The following SYT6 variants were observed in gnomAD, a reference collection of about 807,000 sequenced individuals.
SYT6 encodes the protein synaptotagmin 6, also known as synaptotagmin-6.
Under a neutral mutation model 38.4 loss-of-function variants are expected in SYT6, and 24 were observed. The ratio of observed to expected loss-of-function variants is 0.62; its 90% CI spans 0.45 to 0.88. SYT6 has a LOEUF of 0.88. Ranked by LOEUF, SYT6 falls within the 40% of genes least tolerant of loss-of-function variation. The pLI, the probability that SYT6 is intolerant of heterozygous loss-of-function variation, is 0.00. For missense variants in SYT6, 611 were observed against 621.0 expected, an observed-to-expected ratio of 0.98 and a Z score of 0.17; for synonymous variants, 265 against 241.9, an observed-to-expected ratio of 1.10 and a Z score of -0.89.
chr1:114,092,706 C>T (rs1390285131), intron 7 of SYT6, among the ~76,000 whole-genome samples: 1 of 152,130 alleles, frequency 6.6e-6, no homozygotes, highest in Admixed American at 6.5e-5. Context: ...CTCCTATCAG[C>T]CTGACTCTAA....
At position 114,091,911 on chromosome 1, in the gene SYT6, C is replaced by T. The variant is rs1026842541; in HGVS notation, c.*223G>A. 131 of 1,237,254 alleles carry T rather than the reference C, an allele frequency of 1.1e-4. No individual in the cohort carries two copies. Among genetic ancestry groups the T allele is most frequent in the African/African-American group, 1.5e-4 (10 of 66,998 alleles). The allele number at this position is 1,237,254 out of a possible 1,614,324, so 76.6% of individuals were successfully genotyped here. On this transcript the variant is annotated 3_prime_UTR_variant, in exon 8 of 8. Coordinates refer to ENST00000610222, the MANE Select transcript of SYT6 (RefSeq NM_001253772.2). The stretch of plus-strand genomic sequence containing the variant: ...AGACTCTGGAGTGACGGACGGCTGC[C>T]GCTGCTGCCGCCACTGCGACTGCAC...
chr1:114,137,430 G>A (rs1678546335), intron 3 of SYT6, 65 bp downstream of exon 3: 8 of 1,539,144 alleles, frequency 5.2e-6, no homozygotes, highest in Non-Finnish European at 7.0e-6. Context: ...GAGGGTTTGG[G>A]GACATGTCCC....
chr1:114,134,893 T>C (rs551856065), intron 3 of SYT6, among the ~76,000 whole-genome samples: 1 of 152,332 alleles, frequency 6.6e-6, no homozygotes, highest in South Asian at 2.1e-4. Flanking sequence ...CTGTCATTCC[T>C]GGTGACTGTG....
At chr1:114,152,194 C>T (rs915641712) in intron 1 of SYT6, 8 of 152,174 alleles carry the variant, frequency 5.3e-5, no homozygotes, top group Admixed American at 3.3e-4. Flanking sequence ...CCTGCAGCCG[C>T]TGGGGAGTTT....
chr1:114,111,238 T>G (rs1676656218), intron 3 of SYT6, among the ~76,000 whole-genome samples: 1 of 152,238 alleles, frequency 6.6e-6, no homozygotes. Flanking sequence ...GTGTTTACTA[T>G]GTGCTGTCCT....
chr1:114,091,968 G>C lies in SYT6; in HGVS notation c.*166C>G. On this transcript the variant is annotated 3_prime_UTR_variant, in exon 8 of 8. Transcript: ENST00000610222. Reference sequence around the variant, plus strand: ...GTTTAGACGGTTGAACAAGTGCAAAGAGAACATTGCTGAGTCCCATTTGTG... The same window carrying C: ...GTTTAGACGGTTGAACAAGTGCAAACAGAACATTGCTGAGTCCCATTTGTG... 6.5e-7 allele frequency: 1 copy of C among 1,528,404 alleles called. No individual in the cohort carries two copies. Among genetic ancestry groups the C allele is most frequent in the South Asian group, 1.2e-5 (1 of 83,826 alleles). 94.7% of individuals were successfully genotyped at this position (1,528,404 alleles called of 1,614,324 possible). A position where few individuals can be genotyped will look rare whatever the true frequency, so the allele number is the denominator to read the frequency against.
intron 1 of SYT6, among the ~76,000 whole-genome samples, chr1:114,145,586 T>C (rs998695072): frequency 6.6e-6 from 1 of 150,528 alleles, no homozygotes; most frequent in African/African-American, 2.4e-5. Context: ...GTCTTTATCC[T>C]AGTGGGCTCA....
At position 114,111,745 on chromosome 1, in the gene SYT6, T is replaced by TG. The variant is rs147370990; in HGVS notation, c.1072-8025dup. On this transcript the variant is annotated intron_variant, in intron 3 of 7. Transcript: ENST00000610222. ...GACTTCCGAGAGGAACCCGGCAGGA[T>TG]GTGCTAAACTGCCGGGTGAGGGGCT... Among the ~76,000 whole-genome samples the TG allele has an allele frequency of 4.7e-3, 720 of 151,594 alleles. 1 individual carries two copies. The highest frequency in any genetic ancestry group is 0.031 in the Middle Eastern group (9 of 292).
At chr1:114,103,325 T>A (rs1273323098) in intron 4 of SYT6, among the ~76,000 whole-genome samples, 1 of 151,946 alleles carries the variant, frequency 6.6e-6, no homozygotes, top group Non-Finnish European at 1.5e-5. Flanking sequence ...AGTGCTTATA[T>A]GTGTAAGGCA....
chr1:114,122,506 T>TGCGC (rs149451162), intron 3 of SYT6, among the ~76,000 whole-genome samples: 249 of 147,406 alleles, frequency 1.7e-3, no homozygotes, highest in African/African-American at 5.8e-3. Flanking sequence ...TGTGTGTGTG[T>TGCGC]GCGCGCACAT....
intron 3 of SYT6, among the ~76,000 whole-genome samples, chr1:114,130,677 T>G (rs1678091480): frequency 1.3e-5 from 2 of 152,244 alleles, no homozygotes; most frequent in South Asian, 4.1e-4. Context: ...TCTGTTCAAC[T>G]GTGAGTTCCT....
At chr1:114,117,300 G>A (rs1309268600) in intron 3 of SYT6, among the ~76,000 whole-genome samples, 1 of 152,226 alleles carries the variant, frequency 6.6e-6, no homozygotes, top group Non-Finnish European at 1.5e-5. Context: ...CTGCTAGTAG[G>A]AAAACCGAGA....
chr1:114,131,668 T>C (rs1678164989), intron 3 of SYT6, among the ~76,000 whole-genome samples: 1 of 152,216 alleles, frequency 6.6e-6, no homozygotes, highest in Non-Finnish European at 1.5e-5. Flanking sequence ...TTCCTTTCCA[T>C]AGCCCAGCCC....
At chr1:114,099,370 T>C in intron 4 of SYT6, 105 bp from the exon 5 acceptor site, 2 of 1,151,890 alleles carry the variant, frequency 1.7e-6, no homozygotes, top group Non-Finnish European at 2.4e-6. Context: ...CTGCTGCTCA[T>C]CAGATGGTAT....
chr1:114,129,838 G>A (rs1678034713), intron 3 of SYT6, among the ~76,000 whole-genome samples: 1 of 106,688 alleles, frequency 9.4e-6, no homozygotes, highest in Non-Finnish European at 1.8e-5. Flanking sequence ...CACCACACCT[G>A]TTTTTTTTTT....
intron 2 of SYT6, among the ~76,000 whole-genome samples, chr1:114,138,846 G>A (rs1054112138): frequency 6.6e-6 from 1 of 152,170 alleles, no homozygotes; most frequent in Non-Finnish European, 1.5e-5. Context: ...ACTTGCCCAA[G>A]GCCATATGAC....
intron 3 of SYT6, among the ~76,000 whole-genome samples, chr1:114,130,797 A>G (rs1417232561): frequency 6.6e-6 from 1 of 152,160 alleles, no homozygotes; most frequent in Non-Finnish European, 1.5e-5. Context: ...AAGATTCAAT[A>G]TGCTTACCTC....
chr1:114,126,264 C>T (rs1347221092), intron 3 of SYT6, among the ~76,000 whole-genome samples: 1 of 152,160 alleles, frequency 6.6e-6, no homozygotes, highest in Non-Finnish European at 1.5e-5. Flanking sequence ...CTAGCTCTGA[C>T]CACCCCCAAG....
At position 114,097,577 on chromosome 1, in the gene SYT6, C is replaced by A. The variant is rs1396101804; in HGVS notation, c.1515+150G>T. 1.3e-5 allele frequency: 12 copies of A among 929,948 alleles called. No individual in the cohort carries two copies. In the East Asian group the frequency reaches 3.1e-4, roughly 24 times the overall value. 57.6% of individuals were successfully genotyped at this position (929,948 alleles called of 1,614,324 possible). On this transcript the variant is annotated intron_variant, in intron 6 of 7. Coordinates refer to ENST00000610222, the MANE Select transcript of SYT6 (RefSeq NM_001253772.2). ...AGCCTCCACCTTCTTCCTCCATTTC[C>A]TTTTGGCCTATTACACACTGGGTAA...
Sources: gnomAD v4.1 joint callset for allele counts (sites outside exome capture counted in the v4.1 genomes callset) on GRCh38, gnomAD v4.1.1 for gene constraint, MANE v1.5 for transcripts, NCBI Gene and HGNC (gene_info 2026-07-23, HGNC 2026-07-21) for gene names.